The following CBFA2T2 variants were observed in gnomAD, a reference collection of about 807,000 sequenced individuals.
CBFA2T2 encodes the protein protein CBFA2T2.
In CBFA2T2, 11 loss-of-function variants were observed where a neutral mutation model predicts 62.2. That is an observed-to-expected ratio of 0.18 (90% CI 0.11 to 0.29). CBFA2T2 has a LOEUF of 0.29. CBFA2T2 is among the 10% of genes least tolerant of loss of function. CBFA2T2 has a pLI of 1.00. For synonymous variants in CBFA2T2, 295 were observed against 287.5 expected, an observed-to-expected ratio of 1.03 and a Z score of -0.27; for missense variants, 592 against 774.1, an observed-to-expected ratio of 0.76 and a Z score of 2.79.
At chr20:33,607,751 C>T (rs769324436) in intron 2 of CBFA2T2, among the ~76,000 whole-genome samples, 1 of 152,098 alleles carries the variant, frequency 6.6e-6, no homozygotes, top group Non-Finnish European at 1.5e-5. Context: ...CTCATAATAC[C>T]TCTTTTAACC....
intron 1 of CBFA2T2, among the ~76,000 whole-genome samples, chr20:33,534,751 CTT>C (rs11167206): frequency 9.7e-5 from 9 of 92,954 alleles, no homozygotes; most frequent in African/African-American, 3.7e-4. Context: ...ATCTTTTTAG[CTT>C]TTTTTTTTTT....
intron 1 of CBFA2T2, among the ~76,000 whole-genome samples, chr20:33,553,742 C>T (rs1359827990): frequency 6.6e-6 from 1 of 152,178 alleles, no homozygotes; most frequent in Admixed American, 6.5e-5. Flanking sequence ...AAATCATCAT[C>T]CCCTGATCTT....
chr20:33,495,905 A>G (rs1999242), intron 1 of CBFA2T2, among the ~76,000 whole-genome samples: 21,673 of 152,124 alleles, frequency 0.14, 2,022 homozygotes, highest in East Asian at 0.4. Context: ...GATGGTTAAT[A>G]TATGTTAATA....
At chr20:33,508,948 G>A (rs2011454700) in intron 1 of CBFA2T2, among the ~76,000 whole-genome samples, 3 of 152,166 alleles carry the variant, frequency 2.0e-5, no homozygotes, top group Admixed American at 2.0e-4. Flanking sequence ...AAACTTACTT[G>A]TTTTAAAGAA....
Position 33,607,983 on chromosome 20 carries a change from A to G in CBFA2T2, c.178+884A>G, listed in dbSNP as rs1258306102. 2.0e-5 allele frequency among the ~76,000 whole-genome samples: 3 copies of G among 152,354 alleles called. No homozygotes were observed. In the East Asian group the frequency reaches 5.8e-4, roughly 29 times the overall value. On this transcript the variant is annotated intron_variant, in intron 2 of 10. Transcript: ENST00000342704. ...TTATACACCCACCAGGATGTTCAAA[A>G]TGATACCAAGTTTTGGTGAGGATGT...
At chr20:33,562,572 G>A (rs2013127700) in intron 1 of CBFA2T2, 1 of 985,844 alleles carries the variant, frequency 1.0e-6, no homozygotes, top group Non-Finnish European at 1.2e-6. Flanking sequence ...CTCCGATTGA[G>A]CTTTGAAGAT....
intron 1 of CBFA2T2, among the ~76,000 whole-genome samples, chr20:33,585,535 A>G (rs543546817): frequency 6.6e-6 from 1 of 152,308 alleles, no homozygotes; most frequent in East Asian, 1.9e-4. Context: ...CCACCGTTTA[A>G]TTAACCATTC....
At chr20:33,644,038 T>G (rs2016960730) in intron 10 of CBFA2T2, among the ~76,000 whole-genome samples, 1 of 151,616 alleles carries the variant, frequency 6.6e-6, no homozygotes, top group South Asian at 2.1e-4. Context: ...GTCCATGCCT[T>G]AGGCAGGAGA....
intron 1 of CBFA2T2, among the ~76,000 whole-genome samples, chr20:33,581,628 A>G (rs2014118990): frequency 6.6e-6 from 1 of 152,176 alleles, no homozygotes; most frequent in South Asian, 2.1e-4. Context: ...AATAATTGTC[A>G]TGTCATTATA....
At chr20:33,535,303 G>A (rs953009477) in intron 1 of CBFA2T2, among the ~76,000 whole-genome samples, 5 of 152,178 alleles carry the variant, frequency 3.3e-5, no homozygotes, top group South Asian at 4.1e-4. Flanking sequence ...GAAAATAAAA[G>A]TCTGGATTTT....
chr20:33,578,156 C>T (rs184288643), intron 1 of CBFA2T2, among the ~76,000 whole-genome samples: 78 of 152,266 alleles, frequency 5.1e-4, no homozygotes, highest in African/African-American at 1.3e-3. Flanking sequence ...TGTTAATATT[C>T]ATATTTATTT....
intron 1 of CBFA2T2, among the ~76,000 whole-genome samples, chr20:33,578,829 C>G (rs918455836): frequency 6.6e-6 from 1 of 152,184 alleles, no homozygotes; most frequent in Non-Finnish European, 1.5e-5. Flanking sequence ...GGATGAAATA[C>G]TGCAGGAAAT....
At chr20:33,607,196 T>A (rs1356769438) in intron 2 of CBFA2T2, 97 bp downstream of exon 2, 1 of 1,129,424 alleles carries the variant, frequency 8.9e-7, no homozygotes, top group Non-Finnish European at 1.2e-6. Flanking sequence ...TATTCAGTGT[T>A]TTCAAAGTAC....
intron 1 of CBFA2T2, among the ~76,000 whole-genome samples, chr20:33,566,215 A>C (rs557336902): frequency 6.6e-6 from 1 of 152,280 alleles, no homozygotes; most frequent in South Asian, 2.1e-4. Context: ...TTTCCAGGAC[A>C]CCCATTTTAC....
At chr20:33,598,014 G>T (rs2014962742) in intron 1 of CBFA2T2, among the ~76,000 whole-genome samples, 1 of 152,156 alleles carries the variant, frequency 6.6e-6, no homozygotes, top group Non-Finnish European at 1.5e-5. Flanking sequence ...AAACCAGCAA[G>T]TTTTTATTAG....
chr20:33,629,483 C>T (rs1191368416), intron 7 of CBFA2T2, among the ~76,000 whole-genome samples: 1 of 152,212 alleles, frequency 6.6e-6, no homozygotes, highest in Non-Finnish European at 1.5e-5. Context: ...GAGGTTTTGT[C>T]CAAACACTGG....
intron 10 of CBFA2T2, among the ~76,000 whole-genome samples, chr20:33,642,608 A>AAAAAAAG (rs971531046): frequency 6.6e-6 from 1 of 152,082 alleles, no homozygotes; most frequent in South Asian, 2.1e-4. Flanking sequence ...CTCTTTAAAA[A>AAAAAAAG]AAAAAAGAAA....
intron 1 of CBFA2T2, among the ~76,000 whole-genome samples, chr20:33,548,945 AG>A (rs1388258818): frequency 6.6e-6 from 1 of 151,852 alleles, no homozygotes; most frequent in East Asian, 1.9e-4. Context: ...CCTGGATGAT[AG>A]AGCAAGACCC....
intron 1 of CBFA2T2, among the ~76,000 whole-genome samples, chr20:33,580,184 A>C (rs956733324): frequency 6.6e-6 from 1 of 152,146 alleles, no homozygotes; most frequent in Non-Finnish European, 1.5e-5. Context: ...AAAATTGGGA[A>C]TATACATTTT....
Sources: gnomAD v4.1 joint callset for allele counts (sites outside exome capture counted in the v4.1 genomes callset) on GRCh38, gnomAD v4.1.1 for gene constraint, MANE v1.5 for transcripts, NCBI Gene and HGNC (gene_info 2026-07-23, HGNC 2026-07-21) for gene names.